WDPCP: variants seen among roughly 807,000 people sequenced by gnomAD.
The protein encoded by WDPCP is WD repeat containing planar cell polarity effector, also known as WD repeat-containing and planar cell polarity effector protein fritz homolog.
In WDPCP, 71 loss-of-function variants were observed where a neutral mutation model predicts 93.1. That is an observed-to-expected ratio of 0.76 (90% CI 0.63 to 0.93). The LOEUF is 0.93. Among genes scored for constraint, WDPCP ranks in the 40% least tolerant of loss-of-function variants. WDPCP has a pLI of 0.00. For synonymous variants in WDPCP, 315 were observed against 315.0 expected (o/e 1.00, Z 0.00); for missense variants, 844 against 887.4 (o/e 0.95, Z 0.62).
chr2:63,781,269 G>A lies in WDPCP; in HGVS notation n.308+32353C>T, dbSNP rs1021951387. Among the ~76,000 whole-genome samples the A allele has an allele frequency of 3.9e-5, 6 of 152,270 alleles. No individual in the cohort carries two copies. The East Asian group carries it at 7.7e-4, about 20-fold the overall frequency. On this transcript the variant is annotated intron_variant and non_coding_transcript_variant, in intron 2 of 4. Transcript: ENST00000467687. ...TGCCATGTAGGTATTTGCTGAGCAC[G>A]GGCATTCCATGACTGGTATATATTT...
chr2:63,353,574 A>T (rs1689789627), intron 12 of WDPCP, among the ~76,000 whole-genome samples: 1 of 152,108 alleles, frequency 6.6e-6, no homozygotes, highest in Non-Finnish European at 1.5e-5. Flanking sequence ...CCAGGGGTGG[A>T]AAGGATCCCC....
chr2:63,815,870 TTTGTTG>T (rs145808216), intron 1 of WDPCP, among the ~76,000 whole-genome samples: 1 of 151,304 alleles, frequency 6.6e-6, no homozygotes, highest in Non-Finnish European at 1.5e-5. Flanking sequence ...CTGTCTTTGT[TTTGTTG>T]TTGTTGTTGT....
chr2:63,814,324 G>GA (rs1176219403), intron 1 of WDPCP, among the ~76,000 whole-genome samples: 2 of 148,250 alleles, frequency 1.3e-5, no homozygotes, highest in Admixed American at 1.3e-4. Flanking sequence ...TGGATGATTC[G>GA]AAAAAAAAAT....
At chr2:63,527,072 T>G (rs537084117) in intron 1 of WDPCP, among the ~76,000 whole-genome samples, 9 of 152,274 alleles carry the variant, frequency 5.9e-5, no homozygotes, top group African/African-American at 2.2e-4. Flanking sequence ...AGGATAAAAA[T>G]TATGTTTTGA....
In WDPCP at chr2:63,433,221, C is replaced by T. The variant is rs571445883; in HGVS notation, c.825+524G>A. Among the ~76,000 whole-genome samples, 31 of 152,258 alleles carry T rather than the reference C, an allele frequency of 2.0e-4. No homozygotes were observed. In the South Asian group the frequency reaches 3.7e-3, roughly 18 times the overall value. On this transcript the variant is annotated intron_variant, in intron 9 of 17. Coordinates refer to ENST00000272321, the MANE Select transcript of WDPCP (RefSeq NM_015910.7). ...TCCTTGCGCCAAATGCGGTCTGGCA[C>T]GACAGGGCCTTACACAATATAGGCA... is the stretch of plus-strand genomic sequence containing the variant.
intron 14 of WDPCP, among the ~76,000 whole-genome samples, chr2:63,221,960 C>A (rs1411143932): frequency 6.6e-6 from 1 of 152,094 alleles, no homozygotes; most frequent in East Asian, 1.9e-4. Context: ...AGGAGGGGTG[C>A]GGGCTGTCCC....
chr2:63,240,224 G>C (rs1029265967), intron 14 of WDPCP, among the ~76,000 whole-genome samples: 1 of 152,020 alleles, frequency 6.6e-6, no homozygotes, highest in African/African-American at 2.4e-5. Context: ...TGTTGCCCAG[G>C]CTGGAGTGCA....
chr2:63,684,782 A>G, intron 2 of WDPCP: 1 of 495,546 alleles, frequency 2.0e-6, no homozygotes, highest in South Asian at 1.8e-5. Context: ...ATTTTCTCTG[A>G]TCACAATGCA....
chr2:63,525,584 T>C (rs1484786121), intron 1 of WDPCP, among the ~76,000 whole-genome samples: 3 of 152,206 alleles, frequency 2.0e-5, no homozygotes, highest in Non-Finnish European at 2.9e-5. Context: ...TTGGCTCTTC[T>C]TTTTCCAGCT....
chr2:63,819,866 A>G (rs1670993770), intron 1 of WDPCP, among the ~76,000 whole-genome samples: 1 of 152,166 alleles, frequency 6.6e-6, no homozygotes, highest in East Asian at 1.9e-4. Context: ...GACAGGGGTC[A>G]GCCTTCCTGA....
rs148710121 is a variant in WDPCP, at chr2:63,323,877, C to T, written c.1749-10566G>A. ...GCTGCGTCAGGGAGCACAACTATTC[C>T]GATCAGCAGGGTCCAGGGACCGTTG... On this transcript the variant is annotated intron_variant, in intron 12 of 17. Coordinates refer to ENST00000272321, the MANE Select transcript of WDPCP (RefSeq NM_015910.7). Among the ~76,000 whole-genome samples, 21 of 152,164 alleles carry T rather than the reference C, an allele frequency of 1.4e-4. No individual in the cohort carries two copies. The East Asian group carries it at 2.9e-3, about 21-fold the overall frequency.
At chr2:63,574,877 T>C (rs1575679760) in intron 1 of WDPCP, among the ~76,000 whole-genome samples, 1 of 152,290 alleles carries the variant, frequency 6.6e-6, no homozygotes, top group African/African-American at 2.4e-5. Context: ...AACTGATTAT[T>C]TCTCAGTGGA....
intron 7 of WDPCP, 182 bp from the exon 8 acceptor site, chr2:63,437,736 A>G (rs933426725): frequency 2.7e-6 from 3 of 1,098,230 alleles, no homozygotes; most frequent in African/African-American, 3.2e-5. Context: ...ATAATTGTCA[A>G]TCTAATCATA....
intron 6 of WDPCP, among the ~76,000 whole-genome samples, chr2:63,468,914 C>T (rs1699524588): frequency 6.6e-6 from 1 of 151,996 alleles, no homozygotes; most frequent in Non-Finnish European, 1.5e-5. Context: ...CCATCAAGCT[C>T]CTACTCTATT....
chr2:63,302,074 T>C (rs543167768), intron 13 of WDPCP, among the ~76,000 whole-genome samples: 70 of 152,252 alleles, frequency 4.6e-4, no homozygotes, highest in African/African-American at 1.6e-3. Context: ...TCCCCCTCAT[T>C]TGGGGCCCCT....
intron 2 of WDPCP, among the ~76,000 whole-genome samples, chr2:63,741,583 A>G (rs1485307373): frequency 6.6e-6 from 1 of 151,892 alleles, no homozygotes; most frequent in Non-Finnish European, 1.5e-5. Context: ...CATGATTACA[A>G]TATTTGCATT....
chr2:63,189,896 A>G (rs1327500639), intron 14 of WDPCP, among the ~76,000 whole-genome samples: 1 of 152,202 alleles, frequency 6.6e-6, no homozygotes, highest in Non-Finnish European at 1.5e-5. Context: ...TAAAATGAAA[A>G]TGTATCTCTA....
At chr2:63,179,608 G>A (rs1674084201) in intron 14 of WDPCP, among the ~76,000 whole-genome samples, 2 of 151,890 alleles carry the variant, frequency 1.3e-5, no homozygotes, top group African/African-American at 4.8e-5. Flanking sequence ...AGAGCCTGCA[G>A]AACTATCAAT....
chr2:63,697,076 C>A (rs571206612), intron 2 of WDPCP, among the ~76,000 whole-genome samples: 14 of 152,268 alleles, frequency 9.2e-5, no homozygotes, highest in African/African-American at 3.4e-4. Flanking sequence ...ACAATGTAAT[C>A]CTATTCAGTC....
Sources: gnomAD v4.1 joint callset for allele counts (sites outside exome capture counted in the v4.1 genomes callset) on GRCh38, gnomAD v4.1.1 for gene constraint, MANE v1.5 for transcripts, NCBI Gene and HGNC (gene_info 2026-07-23, HGNC 2026-07-21) for gene names.